Variants in LNPK observed in about 807,000 individuals in gnomAD.
LNPK encodes lunapark, ER junction formation factor.
Under a neutral mutation model 55.2 loss-of-function variants are expected in LNPK, and 29 were observed. That is an observed-to-expected ratio of 0.53 (90% confidence interval 0.39 to 0.72). The LOEUF is 0.72. Ranked by LOEUF, LNPK falls within the 30% of genes least tolerant of loss-of-function variation. LNPK has a pLI of 0.00. For missense variants in LNPK, 467 were observed against 494.8 expected, an observed-to-expected ratio of 0.94 and a Z score of 0.53; for synonymous variants, 162 against 168.2, an observed-to-expected ratio of 0.96 and a Z score of 0.29.
intron 12 of LNPK, among the ~76,000 whole-genome samples, chr2:175,933,794 C>T (rs1168678443): frequency 2.2e-5 from 3 of 139,496 alleles, no homozygotes; most frequent in South Asian, 2.4e-4. Flanking sequence ...TGCAGTGGCA[C>T]AATCTCAGCT....
At chr2:175,936,788 C>T (rs1479218681) in intron 12 of LNPK, among the ~76,000 whole-genome samples, 1 of 152,094 alleles carries the variant, frequency 6.6e-6, no homozygotes, top group Non-Finnish European at 1.5e-5. Flanking sequence ...TTGATTTTTA[C>T]ATCAAAGGCA....
chr2:175,974,045 T>C (rs1384236424), intron 5 of LNPK, among the ~76,000 whole-genome samples: 1 of 152,222 alleles, frequency 6.6e-6, no homozygotes, highest in East Asian at 1.9e-4. Context: ...AATTCTGCAA[T>C]AATATATTCC....
rs1683981824 is a variant in LNPK at position 175,925,677 on chromosome 2, T to A, written c.*4290A>T. On this transcript the variant is annotated 3_prime_UTR_variant, in exon 13 of 13. Coordinates refer to ENST00000272748, the MANE Select transcript of LNPK (RefSeq NM_030650.3). ...ATTCATTTTCTTTCTTTCTTTTTTT[T>A]TTTTGAGATGGAGTTTCACTCTTGT... 1 of 155,600 alleles carries A rather than the reference T, an allele frequency of 6.4e-6. No individual in the cohort carries two copies. Among genetic ancestry groups the A allele is most frequent in the Non-Finnish European group, 1.4e-5 (1 of 71,312 alleles). 9.6% of individuals were successfully genotyped at this position (155,600 alleles called of 1,614,324 possible).
At chr2:175,950,031 G>A (rs1193427401) in intron 8 of LNPK, among the ~76,000 whole-genome samples, 4 of 151,856 alleles carry the variant, frequency 2.6e-5, no homozygotes, top group South Asian at 2.1e-4. Context: ...TGCCTTAAAC[G>A]TAAGATACAA....
intron 1 of LNPK, among the ~76,000 whole-genome samples, chr2:175,998,560 A>G (rs1035466204): frequency 1.7e-4 from 26 of 152,328 alleles, no homozygotes; most frequent in African/African-American, 6.0e-4. Flanking sequence ...ACAAAATCAG[A>G]AATAAAGTCT....
intron 6 of LNPK, among the ~76,000 whole-genome samples, chr2:175,966,700 A>G (rs1329175536): frequency 6.6e-6 from 1 of 152,220 alleles, no homozygotes; most frequent in East Asian, 1.9e-4. Flanking sequence ...ACAACATTTA[A>G]GTAATAATAT....
intron 9 of LNPK, chr2:175,941,177 C>T (rs1457063577): frequency 9.5e-6 from 3 of 315,452 alleles, no homozygotes; most frequent in East Asian, 9.9e-5. Context: ...CTTGAACCCA[C>T]GAGGTGGAGG....
chr2:175,952,101 G>A (rs150423114), intron 8 of LNPK, among the ~76,000 whole-genome samples: 22 of 151,424 alleles, frequency 1.5e-4, no homozygotes, highest in African/African-American at 3.4e-4. Flanking sequence ...TGCTCCTTAC[G>A]TGAACTAAAA....
intron 12 of LNPK, among the ~76,000 whole-genome samples, chr2:175,934,766 G>C (rs1441071249): frequency 2.0e-5 from 3 of 151,258 alleles, no homozygotes; most frequent in Admixed American, 6.6e-5. Flanking sequence ...TTCATTTCTT[G>C]CCGTATTTAG....
At chr2:175,988,412 T>C (rs953175657) in intron 4 of LNPK, among the ~76,000 whole-genome samples, 11 of 148,598 alleles carry the variant, frequency 7.4e-5, no homozygotes, top group African/African-American at 2.5e-4. Context: ...CTCAGGAAGC[T>C]GAGGCACAAG....
intron 9 of LNPK, among the ~76,000 whole-genome samples, chr2:175,943,344 C>T (rs1684953373): frequency 6.6e-6 from 1 of 150,454 alleles, no homozygotes; most frequent in Non-Finnish European, 1.5e-5. Context: ...CAATTCTACA[C>T]AAATTGTCCA....
At chr2:175,985,951 T>A (rs1445579253) in intron 4 of LNPK, among the ~76,000 whole-genome samples, 3 of 152,214 alleles carry the variant, frequency 2.0e-5, no homozygotes, top group Non-Finnish European at 4.4e-5. Flanking sequence ...TGAGGGTACC[T>A]GCAACCTGCC....
intron 4 of LNPK, among the ~76,000 whole-genome samples, chr2:175,982,828 A>C (rs1028975271): frequency 6.6e-5 from 10 of 152,216 alleles, no homozygotes; most frequent in African/African-American, 2.4e-4. Context: ...TATTTTGTGA[A>C]GATATTGACG....
chr2:175,993,264 T>C (rs753469833), intron 2 of LNPK, 41 bp from the exon 3 acceptor site: 2 of 1,239,748 alleles, frequency 1.6e-6, no homozygotes, highest in East Asian at 5.1e-5. Context: ...TTAAAACTTA[T>C]CACAAACCTT....
rs78589701 is a variant in LNPK at position 175,990,830 on chromosome 2, G to A, written c.257+1401C>T. On this transcript the variant is annotated intron_variant, in intron 4 of 12. Coordinates refer to ENST00000272748, the MANE Select transcript of LNPK (RefSeq NM_030650.3). The stretch of plus-strand genomic sequence containing the variant: ...ATATCAATGAGATGAAGTGAAAAAT[G>A]GCTCTGAAGCTAAACAAGCCAAGAT... Among the ~76,000 whole-genome samples the A allele has an allele frequency of 4.9e-3, 748 of 152,106 alleles. 16 individuals are homozygous for A. In the East Asian group the frequency reaches 0.062, roughly 13 times the overall value.
intron 1 of LNPK, among the ~76,000 whole-genome samples, chr2:175,998,066 C>A (rs546559651): frequency 6.6e-6 from 1 of 152,034 alleles, no homozygotes; most frequent in Non-Finnish European, 1.5e-5. Context: ...TTAATTTTAG[C>A]ATTTAGATAC....
chr2:175,969,327 T>A (rs990084537), intron 6 of LNPK, among the ~76,000 whole-genome samples: 1 of 152,200 alleles, frequency 6.6e-6, no homozygotes, highest in Non-Finnish European at 1.5e-5. Context: ...ACATCTTTTA[T>A]GTTGCGATTC....
intron 12 of LNPK, among the ~76,000 whole-genome samples, chr2:175,930,844 C>G (rs1246219756): frequency 6.6e-6 from 1 of 152,118 alleles, no homozygotes. Context: ...GTACTACATA[C>G]CTAGCATGTT....
chr2:175,937,438 A>C lies in LNPK; in HGVS notation c.960T>G (p.Phe320Leu). ...TRPQAPRLPE[F>L]SFEKRQVVEG... ...CCACCACCTGCCTCTTCTCAAAACT[A>C]AACTCAGGAAGTCTTGGAGCCTGAG... is the stretch of plus-strand genomic sequence containing the variant. The change falls in exon 12 of 13, where the codon TTT becomes TTG. Residue 320 changes from phenylalanine (F) to leucine (L), a missense_variant. Phe to Leu is a conservative substitution (Grantham distance 22). Coordinates refer to ENST00000272748, the MANE Select transcript of LNPK (RefSeq NM_030650.3). 6.2e-7 allele frequency: 1 copy of C among 1,613,816 alleles called. No individual in the cohort carries two copies. The highest frequency in any genetic ancestry group is 2.2e-5 in the East Asian group (1 of 44,858).
Sources: gnomAD v4.1 joint callset for allele counts (sites outside exome capture counted in the v4.1 genomes callset) on GRCh38, gnomAD v4.1.1 for gene constraint, MANE v1.5 for transcripts, NCBI Gene and HGNC (gene_info 2026-07-23, HGNC 2026-07-21) for gene names.